ANKRD30A: variants seen among roughly 807,000 people sequenced by gnomAD.
ANKRD30A encodes the protein ankyrin repeat domain-containing protein 30A.
A neutral mutation model predicts 166.3 loss-of-function variants in ANKRD30A; 170 were observed. The observed-to-expected ratio is 1.02, with a 90% CI of 0.90 to 1.16. ANKRD30A has a LOEUF of 1.16. ANKRD30A is among the 50% of genes most tolerant of loss of function. The probability of loss-of-function intolerance (pLI) is 0.00; values close to 1 mark genes in which losing one functional copy is unlikely to be tolerated. For missense variants in ANKRD30A, 1,630 were observed against 1,518.0 expected, an observed-to-expected ratio of 1.07 and a Z score of -1.23; for synonymous variants, 564 against 508.9, an observed-to-expected ratio of 1.11 and a Z score of -1.46.
chr10:37,196,984 A>C (rs1340647144), intron 27 of ANKRD30A, among the ~76,000 whole-genome samples: 2 of 152,186 alleles, frequency 1.3e-5, no homozygotes, highest in African/African-American at 4.8e-5. Context: ...TACGTGGCGT[A>C]GCATTCCATG....
chr10:37,219,151 C>T lies in ANKRD30A; in HGVS notation c.3439C>T (p.Gln1147Ter), dbSNP rs1448044187. The T allele has an allele frequency of 5.0e-6, 8 of 1,610,172 alleles. No individual in the cohort carries two copies. Among genetic ancestry groups the T allele is most frequent in the Non-Finnish European group, 6.8e-6 (8 of 1,177,410 alleles). Residue 1147 changes from glutamine (Q) to a stop codon, truncating the protein, a stop_gained, in exon 34 of 36, where the codon CAG becomes TAG. Coordinates refer to ENST00000361713, the MANE Select transcript of ANKRD30A (RefSeq NM_052997.3). LOFTEE classifies it high-confidence loss of function. ...TTTAAAAGAAAAGAATGCTGAACTTCAGATGACCCTAAAACTGAAAGAGGA... is the reference window on the plus strand; with the variant it reads ...TTTAAAAGAAAAGAATGCTGAACTTTAGATGACCCTAAAACTGAAAGAGGA... ...KILKEKNAEL[Q>*]MTLKLKEESL...
intron 17 of ANKRD30A, among the ~76,000 whole-genome samples, chr10:37,164,459 C>T (rs1432252826): frequency 1.3e-5 from 2 of 151,686 alleles, no homozygotes; most frequent in Non-Finnish European, 2.9e-5. Context: ...GATATTGTTG[C>T]ATTAGGGAAG....
In ANKRD30A at chr10:37,142,124, A is replaced by T. The variant is rs775525773; in HGVS notation, c.1227A>T (p.Ala409=). 1.3e-5 allele frequency: 21 copies of T among 1,613,910 alleles called. No homozygotes were observed. The East Asian group carries it at 4.2e-4, about 33-fold the overall frequency. The change falls in exon 7 of 36, where the codon GCA becomes GCT. Residue 409 remains alanine, a synonymous_variant. Transcript: ENST00000361713. ...AKETSEKFTW[A]AKGRPRKIAW... ...AAACATCTGAGAAATTTACGTGGGC[A>T]GCAAAAGGAAGACCTAGGAAGATCG...
At chr10:37,242,419 CT>C in the ANKRD30A span, among the ~76,000 whole-genome samples, 192 of 152,196 alleles carry the variant, frequency 1.3e-3, no homozygotes, top group African/African-American at 3.6e-3. Context: ...TATTTTTTCA[CT>C]TTTTAATGAA....
intron 34 of ANKRD30A, among the ~76,000 whole-genome samples, chr10:37,223,871 C>T (rs1480619880): frequency 6.6e-6 from 1 of 150,726 alleles, no homozygotes; most frequent in African/African-American, 2.4e-5. Context: ...TTAATGCAAT[C>T]TCTGGAGGAT....
At chr10:37,152,273 G>A in intron 12 of ANKRD30A, 152 bp downstream of exon 12, 1 of 661,552 alleles carries the variant, frequency 1.5e-6, no homozygotes, top group Non-Finnish European at 2.5e-6. Context: ...GAGAATCTAT[G>A]TGCTAAGTAG....
intron 11 of ANKRD30A, among the ~76,000 whole-genome samples, chr10:37,150,973 C>T (rs1837890710): frequency 6.7e-6 from 1 of 149,192 alleles, no homozygotes; most frequent in Admixed American, 6.8e-5. Context: ...ATCCAGGGTA[C>T]GCTTCTAAAA....
Position 37,162,795 on chromosome 10 carries a change from A to C in ANKRD30A, c.1949A>C (p.Lys650Thr), listed in dbSNP as rs769353754. The C allele has an allele frequency of 6.2e-7, 1 of 1,613,782 alleles. No individual in the cohort carries two copies. Among genetic ancestry groups the C allele is most frequent in the Admixed American group, 1.7e-5 (1 of 60,002 alleles). ...SAFEPATEMQ[K>T]SVPNKALELK... ...ATTTAGCCTGCCACTGAAATGCAAAAGTCTGTCCCAAATAAAGCCTTGGAA... is the reference window on the plus strand; with the variant it reads ...ATTTAGCCTGCCACTGAAATGCAAACGTCTGTCCCAAATAAAGCCTTGGAA... Residue 650 changes from lysine (K) to threonine (T), a missense_variant, in exon 17 of 36, where the codon AAG (lysine) becomes ACG (threonine). Physicochemically the swap from Lys to Thr is moderately conservative, Grantham distance 78. Around this residue, in one of 4 missense-constraint regions of ANKRD30A, gnomAD observed 904 missense variants for 818.5 expected, o/e 1.10. Transcript: ENST00000361713.
chr10:37,128,096 A>G (rs1213059528), intron 1 of ANKRD30A, among the ~76,000 whole-genome samples: 1 of 152,114 alleles, frequency 6.6e-6, no homozygotes, highest in East Asian at 1.9e-4. Context: ...TTGAAAATGT[A>G]TTTTGGTGTA....
At chr10:37,179,308 A>G (rs1840016678) in intron 24 of ANKRD30A, among the ~76,000 whole-genome samples, 2 of 151,046 alleles carry the variant, frequency 1.3e-5, no homozygotes, top group South Asian at 4.3e-4. Context: ...ATTTTAACGT[A>G]GAAAATGTTA....
At chr10:37,158,174 A>G (rs1838527737) in intron 13 of ANKRD30A, among the ~76,000 whole-genome samples, 1 of 152,122 alleles carries the variant, frequency 6.6e-6, no homozygotes, top group Admixed American at 6.6e-5. Context: ...AAATCCTCAC[A>G]GCATGTTTGA....
chr10:37,202,891 A>C (rs1841737023), intron 31 of ANKRD30A, among the ~76,000 whole-genome samples: 1 of 152,218 alleles, frequency 6.6e-6, no homozygotes, highest in Admixed American at 6.5e-5. Flanking sequence ...AATCTAGAAA[A>C]AATGGATAAA....
chr10:37,171,723 C>G (rs1215033959), intron 21 of ANKRD30A, among the ~76,000 whole-genome samples: 1 of 151,116 alleles, frequency 6.6e-6, no homozygotes, highest in African/African-American at 2.4e-5. Flanking sequence ...AGATATAAAT[C>G]AAACAAAATC....
chr10:37,231,330 T>C, intron 34 of ANKRD30A, 131 bp from the exon 35 acceptor site: 1 of 603,590 alleles, frequency 1.7e-6, no homozygotes, highest in Non-Finnish European at 2.7e-6. Context: ...CACATCTTCA[T>C]TGTTAAAGCA....
At position 37,197,315 on chromosome 10, in the gene ANKRD30A, T is replaced by C. The variant is rs1387816711; in HGVS notation, c.2643+6T>C. On this transcript the variant is annotated splice_donor_region_variant and intron_variant, in intron 28 of 35. Transcript: ENST00000361713. The stretch of plus-strand genomic sequence containing the variant: ...AGAAGCCATCTGCCTTCGAGGTATT[T>C]AGTTTTATGATTTCATTTTGAATGA... 6.2e-7 allele frequency: 1 copy of C among 1,613,384 alleles called. No individual in the cohort carries two copies. Among genetic ancestry groups the C allele is most frequent in the Non-Finnish European group, 8.5e-7 (1 of 1,179,832 alleles).
chr10:37,145,598 C>T (rs76803250), intron 8 of ANKRD30A, among the ~76,000 whole-genome samples: 215 of 123,420 alleles, frequency 1.7e-3, no homozygotes, highest in East Asian at 3.6e-3. Flanking sequence ...TTGTGTAGTA[C>T]AGTGTAAAAA....
At chr10:37,137,102 G>A (rs1836751665) in intron 6 of ANKRD30A, among the ~76,000 whole-genome samples, 2 of 151,544 alleles carry the variant, frequency 1.3e-5, no homozygotes, top group Admixed American at 1.3e-4. Flanking sequence ...CAGTAACAGG[G>A]GATGATCAGG....
chr10:37,143,617 A>G (rs548072175), intron 7 of ANKRD30A, among the ~76,000 whole-genome samples: 44 of 152,120 alleles, frequency 2.9e-4, no homozygotes, highest in African/African-American at 1.0e-3. Flanking sequence ...TCGTACCACT[A>G]CACTCTAGCC....
chr10:37,191,756 G>A (rs377200027), intron 25 of ANKRD30A, among the ~76,000 whole-genome samples: 9 of 152,010 alleles, frequency 5.9e-5, no homozygotes, highest in Non-Finnish European at 1.0e-4. Context: ...AGCACTTTGG[G>A]AGGCAAAGGT....
Sources: allele counts gnomAD v4.1 joint callset (sites outside exome capture counted in the v4.1 genomes callset), GRCh38; gene constraint gnomAD v4.1.1; regional missense constraint gnomAD v4.1.1; transcripts MANE v1.5; gene names NCBI Gene and HGNC (gene_info 2026-07-23, HGNC 2026-07-21).